The following HMCN2 variants were observed in gnomAD, a reference collection of about 807,000 sequenced individuals.
HMCN2 encodes hemicentin 2, also known as hemicentin-2.
HMCN2 carries 325 observed loss-of-function variants against 377.5 expected under a neutral mutation model. The observed-to-expected ratio is 0.86, with a 90% CI of 0.79 to 0.94. The LOEUF (loss-of-function observed/expected upper bound fraction) is 0.94, where lower values mean the gene tolerates loss of function less well. Ranked by LOEUF, HMCN2 falls within the 40% of genes least tolerant of loss-of-function variation. The pLI, the probability that HMCN2 is intolerant of heterozygous loss-of-function variation, is 0.00. For synonymous variants in HMCN2, 2,007 were observed against 2,046.8 expected (o/e 0.98, Z 0.53); for missense variants, 4,543 against 4,725.3 (o/e 0.96, Z 1.13).
chr9:130,399,727 T>C, intron 76 of HMCN2, 95 bp downstream of exon 76: 1 of 972,308 alleles, frequency 1.0e-6, no homozygotes, highest in Non-Finnish European at 1.4e-6. Flanking sequence ...ATTGTGTGGC[T>C]TTTTCCTGTG....
chr9:130,389,392 T>TC (rs1218882994), intron 62 of HMCN2, among the ~76,000 whole-genome samples: 5 of 151,818 alleles, frequency 3.3e-5, no homozygotes, highest in African/African-American at 1.2e-4. Flanking sequence ...CTCCCCGTTT[T>TC]CTCCCCATTT....
intron 15 of HMCN2, among the ~76,000 whole-genome samples, chr9:130,316,713 G>A (rs1254188593): frequency 6.6e-6 from 1 of 152,204 alleles, no homozygotes; most frequent in Non-Finnish European, 1.5e-5. Context: ...CATTCCTGTG[G>A]AGCCACGGTG....
At chr9:130,278,111 T>A (rs2131250950) in intron 1 of HMCN2, among the ~76,000 whole-genome samples, 1 of 152,054 alleles carries the variant, frequency 6.6e-6, no homozygotes, top group Non-Finnish European at 1.5e-5. Context: ...ATTGTTTTTT[T>A]GTTTGTTTGG....
At chr9:130,301,865 C>T (rs1836534131) in intron 8 of HMCN2, among the ~76,000 whole-genome samples, 2 of 152,252 alleles carry the variant, frequency 1.3e-5, no homozygotes, top group South Asian at 2.1e-4. Flanking sequence ...GGGGCAGTTT[C>T]TCAGACTTCT....
At chr9:130,286,008 C>T (rs1554927528) in intron 3 of HMCN2, among the ~76,000 whole-genome samples, 180 bp from the exon 4 acceptor site, 1 of 152,170 alleles carries the variant, frequency 6.6e-6, no homozygotes, top group African/African-American at 2.4e-5. Flanking sequence ...AGCTCCTGAT[C>T]CCCATGAGAT....
intron 2 of HMCN2, 111 bp from the exon 3 acceptor site, chr9:130,285,047 G>A (rs571765409): frequency 5.0e-6 from 2 of 396,678 alleles, no homozygotes; most frequent in South Asian, 3.7e-5. Context: ...GGGTGGGCAG[G>A]AGGTGACAGT....
Position 130,303,895 on chromosome 9 carries a change from C to T in HMCN2, c.1543+287C>T, listed in dbSNP as rs1258865832. Among the ~76,000 whole-genome samples, 1 of 152,230 alleles carries T rather than the reference C, an allele frequency of 6.6e-6. No individual in the cohort carries two copies. Among genetic ancestry groups the T allele is most frequent in the Non-Finnish European group, 1.5e-5 (1 of 68,042 alleles). ...CTTCTCGGGGCTCGGCTTTCAGGGG[C>T]CGCCATCCATCTCGTGGTCGGGACA... On this transcript the variant is annotated intron_variant, in intron 10 of 97. Coordinates refer to ENST00000683500, the MANE Select transcript of HMCN2 (RefSeq NM_001291815.2). The surrounding 1 kb of genome is among the most constrained non-coding windows in gnomAD (Gnocchi z 5.2).
chr9:130,377,899 G>A (rs937053950), intron 53 of HMCN2, 100 bp downstream of exon 53: 10 of 895,838 alleles, frequency 1.1e-5, no homozygotes, highest in African/African-American at 1.8e-5. Context: ...TGCAGCTCAC[G>A]CGCCACCCGT....
intron 75 of HMCN2, 35 bp downstream of exon 75, chr9:130,398,742 C>T (rs1053151176): frequency 5.3e-5 from 68 of 1,281,530 alleles, no homozygotes; most frequent in Non-Finnish European, 5.9e-5. Flanking sequence ...CTTCCTGAGA[C>T]GCACAGGGCG....
rs1840868391 is a variant in HMCN2 at position 130,369,046 on chromosome 9, G to A, written c.6788-524G>A. ...TCCCTAAGGGCCCCCCAGTGGTCCA[G>A]AGGAGAAAAGCCACATCTGAAACAG... is the stretch of plus-strand genomic sequence containing the variant. On this transcript the variant is annotated intron_variant, in intron 44 of 97. Coordinates refer to ENST00000683500, the MANE Select transcript of HMCN2 (RefSeq NM_001291815.2). This position sits in a 1 kb window ranked among gnomAD's most constrained non-coding sequence, Gnocchi z 4.5. 6.6e-6 allele frequency among the ~76,000 whole-genome samples: 1 copy of A among 152,182 alleles called. No individual in the cohort carries two copies. The highest frequency in any genetic ancestry group is 6.5e-5 in the Admixed American group (1 of 15,284).
At chr9:130,358,215 G>T in intron 35 of HMCN2, 175 bp from the exon 36 acceptor site, 1 of 521,042 alleles carries the variant, frequency 1.9e-6, no homozygotes, top group Middle Eastern at 9.7e-4. Flanking sequence ...TATGCCTGGA[G>T]ATCGGACGAA....
At chr9:130,333,141 A>G (rs36139245) in intron 22 of HMCN2, among the ~76,000 whole-genome samples, 62,288 of 152,028 alleles carry the variant, frequency 0.41, 13,027 homozygotes, top group African/African-American at 0.48. Context: ...CCTACTGTGG[A>G]CCAGGCCAGG....
intron 62 of HMCN2, among the ~76,000 whole-genome samples, chr9:130,389,071 GA>G (rs1021316435): frequency 1.6e-4 from 24 of 152,318 alleles, no homozygotes; most frequent in African/African-American, 4.6e-4. Flanking sequence ...ACGTGGGGCA[GA>G]AAGGTCTGAA....
chr9:130,286,406 C>T (rs1835415866), intron 4 of HMCN2, 96 bp downstream of exon 4: 3 of 434,996 alleles, frequency 6.9e-6, no homozygotes, highest in South Asian at 3.3e-5. Context: ...GAATGACAAT[C>T]AATCATCCAG....
intron 25 of HMCN2, among the ~76,000 whole-genome samples, chr9:130,344,754 A>G (rs1404299795): frequency 7.8e-4 from 90 of 115,730 alleles, no homozygotes; most frequent in Admixed American, 3.6e-3. Context: ...GTGTGTGTGT[A>G]TGGTGTTTTG....
At chr9:130,381,503 G>A (rs1199074418) in intron 54 of HMCN2, among the ~76,000 whole-genome samples, 1 of 152,174 alleles carries the variant, frequency 6.6e-6, no homozygotes. Flanking sequence ...TGAGTAGCTA[G>A]GATTGCAGGT....
intron 15 of HMCN2, among the ~76,000 whole-genome samples, chr9:130,317,324 G>A (rs918616699): frequency 6.6e-6 from 1 of 152,120 alleles, no homozygotes; most frequent in Non-Finnish European, 1.5e-5. Context: ...AGCCATGAGT[G>A]AAATTATGGT....
rs542667482 is a variant in HMCN2, at chr9:130,379,257, A to G, written c.8221A>G (p.Met2741Val). The G allele has an allele frequency of 1.5e-5, 15 of 984,168 alleles. No individual in the cohort carries two copies. The African/African-American group carries it at 2.6e-4, about 17-fold the overall frequency. 61.0% of individuals were successfully genotyped at this position (984,168 alleles called of 1,614,324 possible). The change falls in exon 54 of 98, where the codon ATG becomes GTG. Residue 2741 changes from methionine to valine, a missense_variant. By Grantham distance (21) the Met-to-Val change is conservative. Coordinates refer to ENST00000683500, the MANE Select transcript of HMCN2 (RefSeq NM_001291815.2). Reference sequence around the variant, plus strand: ...TTGTCTCCCCCACCCAGTGCCCCCCATGTTCCAGAAGGTGGGTGATTTCAG... The same window carrying G: ...TTGTCTCCCCCACCCAGTGCCCCCCGTGTTCCAGAAGGTGGGTGATTTCAG... The part of the protein sequence containing the change: ...DFNVLIQVPP[M>V]FQKVGDFSAA...
chr9:130,343,646 G>T (rs1420245446), intron 25 of HMCN2, among the ~76,000 whole-genome samples: 2 of 152,224 alleles, frequency 1.3e-5, no homozygotes, highest in Non-Finnish European at 2.9e-5. Context: ...AGTGGAAGGT[G>T]GGACCCACCC....
Sources: gnomAD v4.1 joint callset for allele counts (sites outside exome capture counted in the v4.1 genomes callset) on GRCh38, gnomAD v4.1.1 for gene constraint, Gnocchi (gnomAD v3.1) non-coding constraint, MANE v1.5 for transcripts, NCBI Gene and HGNC (gene_info 2026-07-23, HGNC 2026-07-21) for gene names.